The following SLC7A5 variants were observed in gnomAD, a reference collection of about 807,000 sequenced individuals.
SLC7A5 encodes solute carrier family 7 member 5, also known as large neutral amino acids transporter small subunit 1.
SLC7A5 carries 23 observed loss-of-function variants against 50.2 expected under a neutral mutation model. The ratio of observed to expected loss-of-function variants is 0.46; its 90% CI spans 0.33 to 0.65. SLC7A5 has a LOEUF of 0.65. Among genes scored for constraint, SLC7A5 ranks in the 30% least tolerant of loss-of-function variants. SLC7A5 has a pLI of 0.02. For missense variants in SLC7A5, 578 were observed against 684.4 expected (o/e 0.84, Z 1.73); for synonymous variants, 393 against 330.6 (o/e 1.19, Z -2.05).
chr16:87,859,275 C>G (rs1326084576), intron 1 of SLC7A5, among the ~76,000 whole-genome samples: 1 of 152,212 alleles, frequency 6.6e-6, no homozygotes, highest in Non-Finnish European at 1.5e-5. Context: ...GTTGACTCAG[C>G]TCACAAGGCC....
intron 4 of SLC7A5, 52 bp from the exon 5 acceptor site, chr16:87,839,877 A>C: frequency 6.2e-7 from 1 of 1,610,992 alleles, no homozygotes; most frequent in Non-Finnish European, 8.5e-7. Context: ...GCTGAAGGCC[A>C]AACCCTGTGC....
Position 87,833,702 on chromosome 16 carries a change from A to G in SLC7A5, c.1469-677T>C, listed in dbSNP as rs1221285812. ...GGAATTCTCCAAGCCACCCAGTGAC[A>G]TGGGGATCAGCATGTAGGCCCGCAA... On this transcript the variant is annotated intron_variant, in intron 9 of 9. Coordinates refer to ENST00000261622, the MANE Select transcript of SLC7A5 (RefSeq NM_003486.7). This position sits in a 1 kb window ranked among gnomAD's most constrained non-coding sequence, Gnocchi z 6.0. 6.6e-6 allele frequency among the ~76,000 whole-genome samples: 1 copy of G among 152,030 alleles called. No homozygotes were observed. Among genetic ancestry groups the G allele is most frequent in the East Asian group, 1.9e-4 (1 of 5,174 alleles).
chr16:87,852,636 C>CTGTGTGTGTGTG lies in SLC7A5; in HGVS notation c.539-788_539-787insCACACACACACA, dbSNP rs1491292186. On this transcript the variant is annotated intron_variant, in intron 1 of 9. Coordinates refer to ENST00000261622, the MANE Select transcript of SLC7A5 (RefSeq NM_003486.7). This position sits in a 1 kb window ranked among gnomAD's most constrained non-coding sequence, Gnocchi z 4.5. Reference sequence around the variant, plus strand: ...CCCTGTAAGGCACCCAGCTCTGAGCCTCTGTGTGTGTGTGTGTGTGTGTGT... The same window carrying CTGTGTGTGTGTG: ...CCCTGTAAGGCACCCAGCTCTGAGCCTGTGTGTGTGTGTCTGTGTGTGTGTGTGTGTGTGTGT... Among the ~76,000 whole-genome samples the CTGTGTGTGTGTG allele has an allele frequency of 6.2e-5, 6 of 97,436 alleles. No individual in the cohort carries two copies. The highest frequency in any genetic ancestry group is 1.9e-4 in the African/African-American group (5 of 26,620). The allele number at this position is 97,436 out of a possible 152,430, so 63.9% of individuals were successfully genotyped here.
chr16:87,865,316 G>A (rs543751069), intron 1 of SLC7A5, among the ~76,000 whole-genome samples: 23 of 152,178 alleles, frequency 1.5e-4, no homozygotes, highest in Non-Finnish European at 3.2e-4. Flanking sequence ...CGCTGAAAGG[G>A]ACCCTATTAA....
intron 2 of SLC7A5, among the ~76,000 whole-genome samples, chr16:87,843,529 G>A (rs760028424): frequency 5.3e-5 from 8 of 151,916 alleles, no homozygotes; most frequent in South Asian, 2.1e-4. Flanking sequence ...CAGGGCAGCT[G>A]GACACAGGGA....
At chr16:87,859,495 C>A (rs1237822233) in intron 1 of SLC7A5, among the ~76,000 whole-genome samples, 1 of 152,212 alleles carries the variant, frequency 6.6e-6, no homozygotes, top group African/African-American at 2.4e-5. Flanking sequence ...AGCCCCGTAA[C>A]TGACTAAAGG....
chr16:87,835,696 T>G (rs13336522), intron 8 of SLC7A5, among the ~76,000 whole-genome samples: 6,849 of 152,106 alleles, frequency 0.045, 308 homozygotes, highest in African/African-American at 0.12. Flanking sequence ...GGATGGTCTC[T>G]ATCTCCTGAC....
At chr16:87,836,815 G>A in intron 7 of SLC7A5, 168 bp from the exon 8 acceptor site, 2 of 558,634 alleles carry the variant, frequency 3.6e-6, no homozygotes, top group South Asian at 1.6e-5. Context: ...CTTGAAGGAG[G>A]AAAGGAGGGA....
At chr16:87,857,085 G>T (rs1317399470) in intron 1 of SLC7A5, among the ~76,000 whole-genome samples, 2 of 152,222 alleles carry the variant, frequency 1.3e-5, no homozygotes, top group Non-Finnish European at 2.9e-5. Flanking sequence ...AGAATGGGCT[G>T]GAATGCCAAG....
chr16:87,846,620 C>A lies in SLC7A5; in HGVS notation c.664+5104G>T, dbSNP rs1463380911. 1.2e-4 allele frequency among the ~76,000 whole-genome samples: 18 copies of A among 152,176 alleles called. 1 individual carries two copies. Among genetic ancestry groups the A allele is most frequent in the Non-Finnish European group, 1.5e-5 (1 of 68,010 alleles). Reference sequence around the variant, plus strand: ...CTCACTCTCCCACAAGGAAACACAGCGAGGGGGTGTCTAGGAGCCAGGAGG... The same window carrying A: ...CTCACTCTCCCACAAGGAAACACAGAGAGGGGGTGTCTAGGAGCCAGGAGG... On this transcript the variant is annotated intron_variant, in intron 2 of 9. Coordinates refer to ENST00000261622, the MANE Select transcript of SLC7A5 (RefSeq NM_003486.7).
chr16:87,834,206 C>T (rs1271629255), intron 9 of SLC7A5, among the ~76,000 whole-genome samples: 3 of 152,192 alleles, frequency 2.0e-5, no homozygotes, highest in Admixed American at 6.5e-5. Flanking sequence ...CGGAATCCCT[C>T]GTCCTGAGAG....
At chr16:87,855,959 C>A (rs73234421) in intron 1 of SLC7A5, among the ~76,000 whole-genome samples, 1 of 152,148 alleles carries the variant, frequency 6.6e-6, no homozygotes, top group Admixed American at 6.5e-5. Context: ...CCTGGGCCGC[C>A]GGTCCTCACC....
At chr16:87,846,078 G>C (rs1276486187) in intron 2 of SLC7A5, among the ~76,000 whole-genome samples, 1 of 152,214 alleles carries the variant, frequency 6.6e-6, no homozygotes, top group African/African-American at 2.4e-5. Flanking sequence ...GCCCAAAAGA[G>C]GTGCCCTGAG....
chr16:87,841,583 T>A lies in SLC7A5; in HGVS notation c.665-428A>T, dbSNP rs1267052110. 6.6e-6 allele frequency among the ~76,000 whole-genome samples: 1 copy of A among 152,220 alleles called. No homozygotes were observed. Among genetic ancestry groups the A allele is most frequent in the African/African-American group, 2.4e-5 (1 of 41,462 alleles). Reference sequence around the variant, plus strand: ...GGCAACAAGGAAGGCCCAGAGCCACTAGGGCCCTGCTTCTTGGGGTGCGAG... The same window carrying A: ...GGCAACAAGGAAGGCCCAGAGCCACAAGGGCCCTGCTTCTTGGGGTGCGAG... On this transcript the variant is annotated intron_variant, in intron 2 of 9. Coordinates refer to ENST00000261622, the MANE Select transcript of SLC7A5 (RefSeq NM_003486.7). This position sits in a 1 kb window ranked among gnomAD's most constrained non-coding sequence, Gnocchi z 4.8.
intron 3 of SLC7A5, 41 bp from the exon 4 acceptor site, chr16:87,840,514 T>G: frequency 6.6e-7 from 1 of 1,516,780 alleles, no homozygotes; most frequent in East Asian, 2.3e-5. Flanking sequence ...ATGATCCTCA[T>G]CAGGGAAAAT....
chr16:87,849,475 T>C (rs994988746), intron 2 of SLC7A5, among the ~76,000 whole-genome samples: 1 of 152,156 alleles, frequency 6.6e-6, no homozygotes, highest in African/African-American at 2.4e-5. Flanking sequence ...GAACAAAAGC[T>C]CTTTGCTCTC....
Position 87,834,597 on chromosome 16 carries a change from G to A in SLC7A5, c.1291-6C>T, listed in dbSNP as rs1403838066. The A allele has an allele frequency of 1.3e-6, 2 of 1,580,778 alleles. No homozygotes were observed. Among genetic ancestry groups the A allele is most frequent in the Non-Finnish European group, 1.7e-6 (2 of 1,164,936 alleles). On this transcript the variant is annotated splice_region_variant and splice_polypyrimidine_tract_variant and intron_variant, in intron 8 of 9. Transcript: ENST00000261622. Reference sequence around the variant, plus strand: ...ACAGGCAGGGCCAGGTTCACCTGGGGCAGAGGACAGGGCCTGGGTGAGCCC... The same window carrying A: ...ACAGGCAGGGCCAGGTTCACCTGGGACAGAGGACAGGGCCTGGGTGAGCCC...
At chr16:87,844,870 G>A (rs4843718) in intron 2 of SLC7A5, among the ~76,000 whole-genome samples, 54,839 of 152,268 alleles carry the variant, frequency 0.36, 11,528 homozygotes, top group African/African-American at 0.57. Context: ...CAGTGGAGCT[G>A]CGGGATGTGT....
chr16:87,856,935 G>C (rs1296244684), intron 1 of SLC7A5, among the ~76,000 whole-genome samples: 2 of 152,240 alleles, frequency 1.3e-5, no homozygotes, highest in Non-Finnish European at 2.9e-5. Context: ...AGGTCCCAGG[G>C]AGGCTGGTGC....
Sources: gnomAD v4.1 joint callset for allele counts (sites outside exome capture counted in the v4.1 genomes callset) on GRCh38, gnomAD v4.1.1 for gene constraint, Gnocchi (gnomAD v3.1) non-coding constraint, MANE v1.5 for transcripts, NCBI Gene and HGNC (gene_info 2026-07-23, HGNC 2026-07-21) for gene names.